The following PTPRD variants were observed in gnomAD, a reference collection of about 807,000 sequenced individuals.
PTPRD encodes the protein receptor-type tyrosine-protein phosphatase delta.
PTPRD carries 34 observed loss-of-function variants against 214.5 expected under a neutral mutation model. The ratio of observed to expected loss-of-function variants is 0.16; its 90% CI spans 0.12 to 0.21. The LOEUF (loss-of-function observed/expected upper bound fraction) is 0.21. Among genes scored for constraint, PTPRD ranks in the 10% least tolerant of loss-of-function variants. The pLI is 1.00. For synonymous variants in PTPRD, 1,128 were observed against 845.7 expected, an observed-to-expected ratio of 1.33 and a Z score of -5.79; for missense variants, 2,545 against 2,398.7, an observed-to-expected ratio of 1.06 and a Z score of -1.27.
In PTPRD at chr9:9,966,819, G is replaced by A. The variant is rs10978139; in HGVS notation, c.-471-28209C>T. 2.0e-3 allele frequency among the ~76,000 whole-genome samples: 302 copies of A among 152,228 alleles called. 3 individuals carry two copies. In the East Asian group the frequency reaches 0.053, roughly 27 times the overall value. On this transcript the variant is annotated intron_variant, in intron 4 of 45. Transcript: ENST00000381196. Reference sequence around the variant, plus strand: ...TTACAGATGCTTTAGACAGAGCATCGAGGAAGAGAAGAAAGAAAACTGGCT... The same window carrying A: ...TTACAGATGCTTTAGACAGAGCATCAAGGAAGAGAAGAAAGAAAACTGGCT...
At chr9:9,567,225 A>G (rs1210401303) in intron 8 of PTPRD, among the ~76,000 whole-genome samples, 1 of 151,844 alleles carries the variant, frequency 6.6e-6, no homozygotes, top group Non-Finnish European at 1.5e-5. Context: ...GTCTTGGTCA[A>G]AGGAAAAATG....
intron 2 of PTPRD, among the ~76,000 whole-genome samples, chr9:10,384,888 C>T (rs138443209): frequency 1.1e-3 from 166 of 151,766 alleles, no homozygotes; most frequent in African/African-American, 3.7e-3. Flanking sequence ...TAAACCATAA[C>T]TTAAACTCTG....
chr9:9,696,833 T>C (rs191204413), intron 7 of PTPRD, among the ~76,000 whole-genome samples: 263 of 152,270 alleles, frequency 1.7e-3, no homozygotes, highest in African/African-American at 6.1e-3. Context: ...AGATTTACTA[T>C]TGCAATTTTG....
intron 9 of PTPRD, among the ~76,000 whole-genome samples, chr9:9,304,220 T>C (rs1956375453): frequency 6.6e-6 from 1 of 152,086 alleles, no homozygotes; most frequent in Admixed American, 6.6e-5. Context: ...ACATATAGTA[T>C]AATAGAGGAT....
chr9:10,039,531 AACAC>A (rs1306096383), intron 3 of PTPRD, among the ~76,000 whole-genome samples: 1 of 152,088 alleles, frequency 6.6e-6, no homozygotes, highest in Admixed American at 6.6e-5. Flanking sequence ...TATGTATTCA[AACAC>A]ACTTTAATTT....
At chr9:10,050,558 T>TAAAAAAAAAA (rs2097514215) in intron 3 of PTPRD, among the ~76,000 whole-genome samples, 1 of 10,626 alleles carries the variant, frequency 9.4e-5, no homozygotes, top group Non-Finnish European at 1.5e-4. Flanking sequence ...AGAGTCTGTC[T>TAAAAAAAAAA]CAAAAAAAAA....
At chr9:9,429,504 C>A (rs1588172290) in intron 8 of PTPRD, among the ~76,000 whole-genome samples, 1 of 152,150 alleles carries the variant, frequency 6.6e-6, no homozygotes, top group Non-Finnish European at 1.5e-5. Flanking sequence ...ACTTATGAAA[C>A]TATTCCAATC....
chr9:10,485,914 A>G (rs2099129523), intron 2 of PTPRD, among the ~76,000 whole-genome samples: 1 of 152,118 alleles, frequency 6.6e-6, no homozygotes, highest in Non-Finnish European at 1.5e-5. Context: ...TTTCTGTGGT[A>G]TCAGTTGCAG....
At chr9:9,969,669 G>A (rs1216775162) in intron 4 of PTPRD, among the ~76,000 whole-genome samples, 1 of 152,222 alleles carries the variant, frequency 6.6e-6, no homozygotes, top group East Asian at 1.9e-4. Context: ...CCTTGGGGCT[G>A]CCGCTTCTAC....
chr9:9,380,507 C>T (rs1335675939), intron 9 of PTPRD, among the ~76,000 whole-genome samples: 1 of 152,010 alleles, frequency 6.6e-6, no homozygotes, highest in Admixed American at 6.6e-5. Context: ...AGTTATCTTT[C>T]TGTTATTGAT....
chr9:9,417,589 G>C (rs1277342559), intron 8 of PTPRD, among the ~76,000 whole-genome samples: 1 of 152,000 alleles, frequency 6.6e-6, no homozygotes, highest in Non-Finnish European at 1.5e-5. Context: ...TAAAAAAATT[G>C]AAAGAAACCT....
chr9:8,322,483 A>G (rs1331340127), intron 44 of PTPRD, among the ~76,000 whole-genome samples: 1 of 152,174 alleles, frequency 6.6e-6, no homozygotes, highest in East Asian at 1.9e-4. Flanking sequence ...AGATCAAATC[A>G]TTTACAACAT....
Position 8,552,574 on chromosome 9 carries a change from C to T in PTPRD, c.353-23795G>A, listed in dbSNP as rs554226357. 5.3e-5 allele frequency among the ~76,000 whole-genome samples: 8 copies of T among 152,150 alleles called. No individual in the cohort carries two copies. In the South Asian group the frequency reaches 1.2e-3, roughly 24 times the overall value. On this transcript the variant is annotated intron_variant, in intron 14 of 45. Coordinates refer to ENST00000381196, the MANE Select transcript of PTPRD (RefSeq NM_002839.4). ...GCTTCAGGAGAAGATTCATGATGAA[C>T]GGAGGCCAAGCAAATAGGAAATCCA...
At chr9:10,464,884 A>G (rs2098983219) in intron 2 of PTPRD, among the ~76,000 whole-genome samples, 1 of 152,164 alleles carries the variant, frequency 6.6e-6, no homozygotes. Context: ...AATAAAATAA[A>G]ATACTATTTT....
At chr9:9,876,550 C>G (rs2066919475) in intron 5 of PTPRD, among the ~76,000 whole-genome samples, 1 of 152,166 alleles carries the variant, frequency 6.6e-6, no homozygotes, top group Non-Finnish European at 1.5e-5. Context: ...TAAACCACCT[C>G]TGCAGTTTTA....
intron 44 of PTPRD, among the ~76,000 whole-genome samples, chr9:8,327,505 A>G (rs1835107586): frequency 6.6e-6 from 1 of 152,080 alleles, no homozygotes; most frequent in Non-Finnish European, 1.5e-5. Flanking sequence ...AGAATGTATA[A>G]TTCTGTTGAT....
In PTPRD at chr9:8,633,412, G is replaced by C. The variant is rs2154320709; in HGVS notation, c.257C>G (p.Pro86Arg). Residue 86 changes from proline (P) to arginine (R), a missense_variant, in exon 14 of 46, where the codon CCC becomes CGC. Transcript: ENST00000381196. ...GGCCTCATCCCTCGGAGTCCGTAAGGGTTGTATTCTGAGAACTGATCCAGA... is the reference window on the plus strand; with the variant it reads ...GGCCTCATCCCTCGGAGTCCGTAAGCGTTGTATTCTGAGAACTGATCCAGA... Reference protein sequence around the residue: ...DGSGSVLRIQPLRTPRDEAIY... With the variant: ...DGSGSVLRIQRLRTPRDEAIY... The C allele has an allele frequency of 6.2e-7, 1 of 1,612,678 alleles. No individual in the cohort carries two copies.
At chr9:9,558,811 T>C (rs1181053837) in intron 8 of PTPRD, among the ~76,000 whole-genome samples, 1 of 152,182 alleles carries the variant, frequency 6.6e-6, no homozygotes, top group Admixed American at 6.5e-5. Flanking sequence ...CTGTATATAA[T>C]GCCCTATTAC....
chr9:9,248,217 C>T (rs1227150332), intron 9 of PTPRD, among the ~76,000 whole-genome samples: 3 of 151,822 alleles, frequency 2.0e-5, no homozygotes, highest in African/African-American at 4.8e-5. Context: ...CTAAGCCTCC[C>T]GAGCAGCTGG....
Sources: allele counts gnomAD v4.1 joint callset (sites outside exome capture counted in the v4.1 genomes callset), GRCh38; gene constraint gnomAD v4.1.1; transcripts MANE v1.5; gene names NCBI Gene and HGNC (gene_info 2026-07-23, HGNC 2026-07-21).